The following SPAG16 variants were observed in gnomAD, a reference collection of about 807,000 sequenced individuals.
The protein encoded by SPAG16 is sperm associated antigen 16.
SPAG16 carries 86 observed loss-of-function variants against 80.4 expected under a neutral mutation model. The ratio of observed to expected loss-of-function variants is 1.07; its 90% CI spans 0.90 to 1.28. The LOEUF is 1.28. Among genes scored for constraint, SPAG16 ranks in the 50% most tolerant of loss-of-function variants. The probability of loss-of-function intolerance (pLI) is 0.00; values close to 1 mark genes in which losing one functional copy is unlikely to be tolerated. For missense variants in SPAG16, 870 were observed against 765.3 expected (o/e 1.14, Z -1.61); for synonymous variants, 294 against 265.9 (o/e 1.11, Z -1.03).
Position 213,781,102 on chromosome 2 carries a change from C to T in SPAG16, c.1071-81383C>T, listed in dbSNP as rs549179472. 1.6e-4 allele frequency among the ~76,000 whole-genome samples: 25 copies of T among 152,222 alleles called. 1 individual carries two copies. Among genetic ancestry groups the T allele is most frequent in the African/African-American group, 5.5e-4 (23 of 41,546 alleles). ...TACATTACAGACATTATATGTTACT[C>T]AGCAAAACTCCTTTAAGGTCTTCCT... On this transcript the variant is annotated intron_variant, in intron 10 of 15. Transcript: ENST00000331683.
At chr2:213,863,456 A>T (rs1242762444) in intron 11 of SPAG16, among the ~76,000 whole-genome samples, 10 of 152,112 alleles carry the variant, frequency 6.6e-5, no homozygotes, top group Admixed American at 3.9e-4. Context: ...GAAATTAGAT[A>T]AAAAAATTTT....
In SPAG16 at chr2:214,173,844, G is replaced by A. The variant is rs186065379; in HGVS notation, c.1720+24578G>A. ...ATCTGCAGTAAAATACTGGCAAGCCGAATCCAGCAGCACATCAAAAAGCTT... is the reference window on the plus strand; with the variant it reads ...ATCTGCAGTAAAATACTGGCAAGCCAAATCCAGCAGCACATCAAAAAGCTT... On this transcript the variant is annotated intron_variant, in intron 15 of 15. Transcript: ENST00000331683. Among the ~76,000 whole-genome samples, 202 of 152,064 alleles carry A rather than the reference G, an allele frequency of 1.3e-3. 2 individuals carry two copies. The South Asian group carries it at 0.015, about 11-fold the overall frequency.
chr2:214,088,913 T>C (rs935409162), intron 13 of SPAG16, among the ~76,000 whole-genome samples: 1 of 151,866 alleles, frequency 6.6e-6, no homozygotes, highest in Non-Finnish European at 1.5e-5. Context: ...ATGAAAGAAG[T>C]AAAAATGGCA....
At chr2:213,541,352 C>T (rs777907706) in intron 10 of SPAG16, among the ~76,000 whole-genome samples, 1 of 152,202 alleles carries the variant, frequency 6.6e-6, no homozygotes, top group South Asian at 2.1e-4. Flanking sequence ...TGCACGGTGG[C>T]TCACACCTGT....
intron 15 of SPAG16, among the ~76,000 whole-genome samples, chr2:214,190,800 G>A (rs1017048412): frequency 1.4e-4 from 22 of 152,042 alleles, no homozygotes; most frequent in Non-Finnish European, 2.2e-4. Context: ...CCAGGAAGGC[G>A]CCCTCACCAG....
intron 12 of SPAG16, among the ~76,000 whole-genome samples, chr2:213,932,541 G>T (rs1427384698): frequency 2.0e-5 from 3 of 152,108 alleles, no homozygotes; most frequent in Middle Eastern, 3.4e-3. Flanking sequence ...ATTTATATTG[G>T]TAGACAGTAT....
At chr2:213,893,688 A>G (rs773777323) in intron 11 of SPAG16, among the ~76,000 whole-genome samples, 2 of 152,070 alleles carry the variant, frequency 1.3e-5, no homozygotes, top group Non-Finnish European at 2.9e-5. Flanking sequence ...TAACTTTATT[A>G]TATCTATAAG....
intron 10 of SPAG16, among the ~76,000 whole-genome samples, chr2:213,691,319 A>G (rs1187573006): frequency 1.3e-5 from 2 of 152,182 alleles, no homozygotes; most frequent in East Asian, 3.8e-4. Flanking sequence ...CAGTCAGAGG[A>G]CAACTTGCAA....
chr2:213,932,629 G>T (rs1456092089), intron 12 of SPAG16, among the ~76,000 whole-genome samples: 1 of 152,136 alleles, frequency 6.6e-6, no homozygotes, highest in Non-Finnish European at 1.5e-5. Context: ...TTCTGGCTCA[G>T]TCTTGAACAG....
chr2:214,211,453 G>A (rs535967356), intron 15 of SPAG16, among the ~76,000 whole-genome samples: 6 of 152,320 alleles, frequency 3.9e-5, no homozygotes, highest in African/African-American at 1.4e-4. Context: ...GTGAAATAAT[G>A]TGAGTGAGTG....
At chr2:213,961,674 GTTTTA>G (rs2044434963) in intron 12 of SPAG16, among the ~76,000 whole-genome samples, 1 of 150,584 alleles carries the variant, frequency 6.6e-6, no homozygotes, top group African/African-American at 2.4e-5. Context: ...TTTCTTAAGT[GTTTTA>G]TTATATTAAT....
intron 10 of SPAG16, among the ~76,000 whole-genome samples, chr2:213,575,747 A>G (rs2060101410): frequency 1.3e-5 from 2 of 152,092 alleles, no homozygotes; most frequent in South Asian, 4.1e-4. Context: ...TATTATTTCC[A>G]CTAGTCAATA....
chr2:213,878,355 T>C (rs1397534027), intron 11 of SPAG16, among the ~76,000 whole-genome samples: 1 of 152,166 alleles, frequency 6.6e-6, no homozygotes, highest in African/African-American at 2.4e-5. Context: ...TTTTGACTTT[T>C]AAATAACAGA....
At chr2:213,522,439 G>C (rs573099714) in intron 10 of SPAG16, among the ~76,000 whole-genome samples, 13 of 152,332 alleles carry the variant, frequency 8.5e-5, no homozygotes, top group African/African-American at 2.9e-4. Flanking sequence ...TGGGAAGAGA[G>C]AACTGGGCAG....
chr2:214,004,049 G>A (rs1464068055), intron 12 of SPAG16, among the ~76,000 whole-genome samples: 2 of 152,310 alleles, frequency 1.3e-5, no homozygotes, highest in Non-Finnish European at 1.5e-5. Flanking sequence ...ACACAAATGG[G>A]AACATGCACA....
intron 15 of SPAG16, among the ~76,000 whole-genome samples, chr2:214,214,527 G>A (rs1016818844): frequency 1.3e-5 from 2 of 151,870 alleles, no homozygotes; most frequent in African/African-American, 2.4e-5. Flanking sequence ...CTCTATTCCA[G>A]GCCTGTAGGT....
intron 10 of SPAG16, among the ~76,000 whole-genome samples, chr2:213,702,783 A>G (rs2065531508): frequency 6.6e-6 from 1 of 152,092 alleles, no homozygotes; most frequent in African/African-American, 2.4e-5. Context: ...GTTCTTTGAA[A>G]AGGCCTATTT....
At chr2:213,620,514 G>A (rs1457939424) in intron 10 of SPAG16, among the ~76,000 whole-genome samples, 3 of 151,810 alleles carry the variant, frequency 2.0e-5, no homozygotes, top group Non-Finnish European at 2.9e-5. Flanking sequence ...GGATGGTCTC[G>A]ATCTCTTGAC....
At chr2:213,532,557 G>T (rs1213553567) in intron 10 of SPAG16, among the ~76,000 whole-genome samples, 1 of 151,492 alleles carries the variant, frequency 6.6e-6, no homozygotes, top group African/African-American at 2.4e-5. Flanking sequence ...CACCTCCCAG[G>T]TTCAAGCGAT....
Sources: gnomAD v4.1 joint callset for allele counts (sites outside exome capture counted in the v4.1 genomes callset) on GRCh38, gnomAD v4.1.1 for gene constraint, MANE v1.5 for transcripts, NCBI Gene and HGNC (gene_info 2026-07-23, HGNC 2026-07-21) for gene names.